Variants in CACNG1 observed in about 807,000 individuals in gnomAD.
CACNG1 encodes calcium voltage-gated channel auxiliary subunit gamma 1, also known as voltage-dependent calcium channel gamma-1 subunit.
CACNG1 carries 21 observed loss-of-function variants against 22.0 expected under a neutral mutation model. The observed-to-expected ratio is 0.95, with a 90% CI of 0.68 to 1.37. CACNG1 has a LOEUF of 1.37. Ranked by LOEUF, CACNG1 falls within the 40% of genes most tolerant of loss-of-function variation. The pLI is 0.00. For synonymous variants in CACNG1, 127 were observed against 129.2 expected (o/e 0.98, Z 0.12); for missense variants, 291 against 308.6 (o/e 0.94, Z 0.43).
rs2143420675 is a variant in CACNG1 at position 67,055,065 on chromosome 17, T to G, written c.305-38T>G. Reference sequence around the variant, plus strand: ...TAACGAGCCATGACAAGAGCTCCCATGCTGAGGCCGCATGCTGGGTGTCCC... The same window carrying G: ...TAACGAGCCATGACAAGAGCTCCCAGGCTGAGGCCGCATGCTGGGTGTCCC... On this transcript the variant is annotated intron_variant, in intron 2 of 3. Transcript: ENST00000226021. This position sits in a 1 kb window ranked among gnomAD's most constrained non-coding sequence, Gnocchi z 4.5. 6.3e-7 allele frequency: 1 copy of G among 1,598,264 alleles called. No homozygotes were observed. Among genetic ancestry groups the G allele is most frequent in the Non-Finnish European group, 8.6e-7 (1 of 1,169,182 alleles).
chr17:67,054,211 C>T lies in CACNG1; in HGVS notation c.304+141C>T. ...GCCTGTGGTGCATTTGAACAACAGC[C>T]TTGTCAGCTCCCCGCTCCGGAGGCC... On this transcript the variant is annotated intron_variant, in intron 2 of 3. Coordinates refer to ENST00000226021, the MANE Select transcript of CACNG1 (RefSeq NM_000727.4). This position sits in a 1 kb window ranked among gnomAD's most constrained non-coding sequence, Gnocchi z 4.6. 3 of 688,516 alleles carry T rather than the reference C, an allele frequency of 4.4e-6. No homozygotes were observed. The highest frequency in any genetic ancestry group is 2.5e-6 in the Non-Finnish European group (1 of 394,140). 42.7% of individuals were successfully genotyped at this position (688,516 alleles called of 1,614,324 possible).
At chr17:67,053,455 ACT>A (rs1418931364) in intron 1 of CACNG1, among the ~76,000 whole-genome samples, 2 of 152,044 alleles carry the variant, frequency 1.3e-5, no homozygotes, top group African/African-American at 4.8e-5. Flanking sequence ...CAACCTTGAC[ACT>A]CTTGATATTT....
chr17:67,052,234 G>C (rs1210259633), intron 1 of CACNG1, among the ~76,000 whole-genome samples: 1 of 152,154 alleles, frequency 6.6e-6, no homozygotes, highest in Non-Finnish European at 1.5e-5. Context: ...CCCAGGTAAC[G>C]CGGTTCAAAA....
intron 1 of CACNG1, among the ~76,000 whole-genome samples, chr17:67,046,963 C>A (rs2035701004): frequency 1.3e-5 from 2 of 152,046 alleles, no homozygotes; most frequent in African/African-American, 4.8e-5. Context: ...CACTACCTTT[C>A]CCCCAGTAAT....
At chr17:67,053,767 C>T (rs1598141036) in intron 1 of CACNG1, among the ~76,000 whole-genome samples, 1 of 152,228 alleles carries the variant, frequency 6.6e-6, no homozygotes, top group Non-Finnish European at 1.5e-5. Context: ...ACTCATCCAG[C>T]CTCAGCTCCC....
intron 1 of CACNG1, among the ~76,000 whole-genome samples, chr17:67,048,649 T>G (rs890951596): frequency 1.3e-5 from 2 of 151,910 alleles, no homozygotes; most frequent in Admixed American, 1.3e-4. Context: ...AGTAAATATA[T>G]CCAAAGAAAA....
Position 67,055,050 on chromosome 17 carries a change from T to C in CACNG1, c.305-53T>C, listed in dbSNP as rs2143420602. 1.3e-6 allele frequency: 2 copies of C among 1,578,566 alleles called. No individual in the cohort carries two copies. The highest frequency in any genetic ancestry group is 1.7e-6 in the Non-Finnish European group (2 of 1,157,462). On this transcript the variant is annotated intron_variant, in intron 2 of 3. Coordinates refer to ENST00000226021, the MANE Select transcript of CACNG1 (RefSeq NM_000727.4). The surrounding 1 kb of genome is among the most constrained non-coding windows in gnomAD (Gnocchi z 4.5). The stretch of plus-strand genomic sequence containing the variant: ...GCATGGTGTGGTCCCTAACGAGCCA[T>C]GACAAGAGCTCCCATGCTGAGGCCG...
At position 67,054,990 on chromosome 17, in the gene CACNG1, AT is replaced by A; in HGVS notation, c.305-112del. 2.0e-6 allele frequency: 2 copies of A among 999,520 alleles called. No homozygotes were observed. The highest frequency in any genetic ancestry group is 1.7e-5 in the South Asian group (1 of 58,358). The allele number at this position is 999,520 out of a possible 1,614,324, so 61.9% of individuals were successfully genotyped here. ...GAGACACACACTTGACACACACACA[AT>A]GACACACACAGACACTGACACACAC... On this transcript the variant is annotated intron_variant, in intron 2 of 3. Transcript: ENST00000226021. This position sits in a 1 kb window ranked among gnomAD's most constrained non-coding sequence, Gnocchi z 4.6.
intron 1 of CACNG1, among the ~76,000 whole-genome samples, chr17:67,052,378 G>A (rs1021657941): frequency 6.6e-6 from 1 of 152,170 alleles, no homozygotes; most frequent in Non-Finnish European, 1.5e-5. Flanking sequence ...CCCTGGCTCT[G>A]GGGGGAAGGA....
chr17:67,053,011 T>C (rs140154683), intron 1 of CACNG1, among the ~76,000 whole-genome samples: 72 of 152,332 alleles, frequency 4.7e-4, no homozygotes, highest in East Asian at 3.1e-3. Context: ...TGAAATTATA[T>C]TTTAAATCAG....
rs374071089 is a variant in CACNG1, at chr17:67,056,218, C to T, written c.616C>T (p.Arg206Ter). The change falls in exon 4 of 4, where the codon CGA (arginine) becomes TGA (stop). Residue 206 changes from arginine to a stop codon, truncating the protein, a stop_gained. Transcript: ENST00000226021. LOFTEE classifies it high-confidence loss of function. The surrounding 1 kb of genome is among the most constrained non-coding windows in gnomAD (Gnocchi z 4.3). ...CGCCCTCCTGCTGTTCTCCCTGCCT[C>T]GAATGCCCCGGAACCCATGGGAGTC... ...GLALLLFSLP[R>*]MPRNPWESCM... 14 of 1,613,884 alleles carry T rather than the reference C, an allele frequency of 8.7e-6. No homozygotes were observed. The highest frequency in any genetic ancestry group is 1.0e-5 in the Non-Finnish European group (12 of 1,180,026).
rs1377087785 is a variant in CACNG1, at chr17:67,055,933, G to T, written c.443-112G>T. On this transcript the variant is annotated intron_variant, in intron 3 of 3. Coordinates refer to ENST00000226021, the MANE Select transcript of CACNG1 (RefSeq NM_000727.4). The surrounding 1 kb of genome is among the most constrained non-coding windows in gnomAD (Gnocchi z 4.5). ...CCCATCTAGAACCTGCCTTGAGGCAGCTTTTCCCCCAAGGCAAGGTCACCG... is the reference window on the plus strand; with the variant it reads ...CCCATCTAGAACCTGCCTTGAGGCATCTTTTCCCCCAAGGCAAGGTCACCG... The T allele has an allele frequency of 3.8e-6, 3 of 791,886 alleles. No homozygotes were observed. The highest frequency in any genetic ancestry group is 6.2e-6 in the Non-Finnish European group (3 of 484,016). 49.1% of individuals were successfully genotyped at this position (791,886 alleles called of 1,614,324 possible). A position where few individuals can be genotyped will look rare whatever the true frequency, so the allele number is the denominator to read the frequency against.
At position 67,055,362 on chromosome 17, in the gene CACNG1, T is replaced by C; in HGVS notation, c.442+122T>C. ...GGGCATTTCCCAGGCTCCATCCCCA[T>C]CCAGGGGCAAACCTGGCCAGGCCAT... On this transcript the variant is annotated intron_variant, in intron 3 of 3. Transcript: ENST00000226021. This position sits in a 1 kb window ranked among gnomAD's most constrained non-coding sequence, Gnocchi z 4.5. The C allele has an allele frequency of 5.0e-6, 6 of 1,202,478 alleles. No homozygotes were observed. In the South Asian group the frequency reaches 9.3e-5, roughly 19 times the overall value. 74.5% of individuals were successfully genotyped at this position (1,202,478 alleles called of 1,614,324 possible).
Position 67,044,645 on chromosome 17 carries a change from C to T in CACNG1, c.-16C>T, listed in dbSNP as rs377715475. ...CGCCGGACCCTGCCCAGGGCACCCA[C>T]GCCTCGGCGACCACCATGTCCCAGA... is the stretch of plus-strand genomic sequence containing the variant. On this transcript the variant is annotated 5_prime_UTR_variant, in exon 1 of 4. In the 5' UTR this introduces an upstream ATG that the reference lacks. Coordinates refer to ENST00000226021, the MANE Select transcript of CACNG1 (RefSeq NM_000727.4). The surrounding 1 kb of genome is among the most constrained non-coding windows in gnomAD (Gnocchi z 6.9). 145 of 1,572,660 alleles carry T rather than the reference C, an allele frequency of 9.2e-5. No homozygotes were observed. The highest frequency in any genetic ancestry group is 3.3e-5 in the South Asian group (3 of 90,402).
At chr17:67,052,173 A>G (rs552573954) in intron 1 of CACNG1, among the ~76,000 whole-genome samples, 1 of 152,236 alleles carries the variant, frequency 6.6e-6, no homozygotes, top group Non-Finnish European at 1.5e-5. Flanking sequence ...CCGGATGCCC[A>G]GAGAGAATAG....
Position 67,055,210 on chromosome 17 carries a change from C to A in CACNG1, c.412C>A (p.Arg138=), listed in dbSNP as rs766121837. ...CGGGAAGAAGAGGGACTATCTGCTG[C>A]GACCCGCGTCCATGTTCTATGCCTT... ...SLGKKRDYLL[R]PASMFYAFAG... is the part of the protein sequence containing the mutation. The change falls in exon 3 of 4, where the codon CGA becomes AGA. Residue 138 remains arginine (R), a synonymous_variant. Coordinates refer to ENST00000226021, the MANE Select transcript of CACNG1 (RefSeq NM_000727.4). This position sits in a 1 kb window ranked among gnomAD's most constrained non-coding sequence, Gnocchi z 4.5. 9.9e-6 allele frequency: 16 copies of A among 1,613,966 alleles called. No individual in the cohort carries two copies. The highest frequency in any genetic ancestry group is 1.4e-5 in the Non-Finnish European group (16 of 1,179,932).
chr17:67,056,349 G>A lies in CACNG1; in HGVS notation c.*78G>A, dbSNP rs1598142867. 4.4e-6 allele frequency: 6 copies of A among 1,365,538 alleles called. No homozygotes were observed. In the East Asian group the frequency reaches 1.1e-4, roughly 26 times the overall value. 84.6% of individuals were successfully genotyped at this position (1,365,538 alleles called of 1,614,324 possible). A position where few individuals can be genotyped will look rare whatever the true frequency, so the allele number is the denominator to read the frequency against. ...TGGCCTGGAACCTTCCAGAGAGGAG[G>A]CGGGAGCAATTTTAGCCCCACCCTG... On this transcript the variant is annotated 3_prime_UTR_variant, in exon 4 of 4. Coordinates refer to ENST00000226021, the MANE Select transcript of CACNG1 (RefSeq NM_000727.4). The surrounding 1 kb of genome is among the most constrained non-coding windows in gnomAD (Gnocchi z 4.3).
At chr17:67,046,008 C>T (rs1055428184) in intron 1 of CACNG1, among the ~76,000 whole-genome samples, 1 of 152,202 alleles carries the variant, frequency 6.6e-6, no homozygotes, top group Non-Finnish European at 1.5e-5. Context: ...GCGTGACTAG[C>T]CTCTATTCTG....
intron 1 of CACNG1, among the ~76,000 whole-genome samples, chr17:67,048,317 A>AC (rs939415891): frequency 3.7e-5 from 3 of 80,052 alleles, no homozygotes; most frequent in African/African-American, 5.7e-5. Flanking sequence ...CCAAAAAAAA[A>AC]AAAAAAAACA....
Sources: gnomAD v4.1 joint callset for allele counts (sites outside exome capture counted in the v4.1 genomes callset) on GRCh38, gnomAD v4.1.1 for gene constraint, Gnocchi (gnomAD v3.1) non-coding constraint, MANE v1.5 for transcripts, NCBI Gene and HGNC (gene_info 2026-07-23, HGNC 2026-07-21) for gene names.